LCN2: variants seen among roughly 807,000 people sequenced by gnomAD.
LCN2 encodes the protein lipocalin 2.
Under a neutral mutation model 26.4 loss-of-function variants are expected in LCN2, and 27 were observed. The ratio of observed to expected loss-of-function variants is 1.02; its 90% CI spans 0.76 to 1.41. LCN2 has a LOEUF of 1.41. Among genes scored for constraint, LCN2 ranks in the 40% most tolerant of loss-of-function variants. LCN2 has a pLI of 0.00. For synonymous variants in LCN2, 94 were observed against 98.9 expected (o/e 0.95, Z 0.30); for missense variants, 224 against 237.6 (o/e 0.94, Z 0.38).
chr9:128,151,502 G>A (rs754691587), intron 2 of LCN2, 136 bp from the exon 3 acceptor site: 2 of 703,510 alleles, frequency 2.8e-6, no homozygotes, highest in African/African-American at 1.8e-5. Context: ...TCCAGGTAGT[G>A]GGGGATGAGC....
At chr9:128,152,414 A>G in intron 5 of LCN2, 130 bp downstream of exon 5, 1 of 782,968 alleles carries the variant, frequency 1.3e-6, no homozygotes, top group Non-Finnish European at 2.1e-6. Flanking sequence ...ATGGTCCAGG[A>G]GCTCCTTGGA....
Position 128,150,288 on chromosome 9 carries a change from A to G in LCN2, c.189A>G (p.Arg63=), listed in dbSNP as rs1395414235. ...VVGLAGNAIL[R]EDKDPQKMYA... is the part of the protein sequence containing the mutation. ...GCCTGGCAGGGAATGCAATTCTCAG[A>G]GAAGACAAAGACCCGCAAAAGATGT... The change falls in exon 2 of 7, where the codon AGA becomes AGG. Residue 63 remains arginine (R), a synonymous_variant. Transcript: ENST00000277480. 2 of 1,614,174 alleles carry G rather than the reference A, an allele frequency of 1.2e-6. No homozygotes were observed.
At chr9:128,151,333 G>T (rs1039876680) in intron 2 of LCN2, 9 of 564,408 alleles carry the variant, frequency 1.6e-5, no homozygotes, top group Non-Finnish European at 2.6e-5. Context: ...TGGCGGGGGG[G>T]GTGAAAGCCA....
intron 2 of LCN2, chr9:128,150,604 G>A: frequency 1.5e-6 from 1 of 679,606 alleles, no homozygotes; most frequent in South Asian, 1.5e-5. Flanking sequence ...GGAGAGAGGA[G>A]GGGTGCCTGG....
rs1466299495 is a variant in LCN2 at position 128,152,295 on chromosome 9, G to C, written c.577+11G>C. ...TCCCTGTCCCAATCGGTAATGGCCA[G>C]TCTGGATGAGGGGACGGGGACATGG... On this transcript the variant is annotated intron_variant, in intron 5 of 6. Transcript: ENST00000277480. 1 of 1,609,886 alleles carries C rather than the reference G, an allele frequency of 6.2e-7. No individual in the cohort carries two copies. Among genetic ancestry groups the C allele is most frequent in the South Asian group, 1.1e-5 (1 of 91,018 alleles).
In LCN2 at chr9:128,152,388, G is replaced by C. The variant is rs938685760; in HGVS notation, c.577+104G>C. On this transcript the variant is annotated intron_variant, in intron 5 of 6. Transcript: ENST00000277480. ...AGGAGGGACTCCGTCCTCAGCTTCA[G>C]TCACTGGAGCAGTGGATGGTCCAGG... The C allele has an allele frequency of 2.8e-5, 28 of 1,006,532 alleles. No homozygotes were observed. In the Admixed American group the frequency reaches 5.5e-4, roughly 20 times the overall value. The allele number at this position is 1,006,532 out of a possible 1,614,324, so 62.4% of individuals were successfully genotyped here. A position where few individuals can be genotyped will look rare whatever the true frequency, so the allele number is the denominator to read the frequency against.
rs1036284757 is a variant in LCN2, at chr9:128,151,558, C to T, written c.276-80C>T. ...TGAGAGCAACAGAACCCTGCTGCTG[C>T]CCTGGCCCCACCTTGTCCAGCACAG... On this transcript the variant is annotated intron_variant, in intron 2 of 6. Coordinates refer to ENST00000277480, the MANE Select transcript of LCN2 (RefSeq NM_005564.5). 3 of 1,117,876 alleles carry T rather than the reference C, an allele frequency of 2.7e-6. No homozygotes were observed. The African/African-American group carries it at 4.6e-5, about 17-fold the overall frequency. The allele number at this position is 1,117,876 out of a possible 1,614,324, so 69.2% of individuals were successfully genotyped here. A position where few individuals can be genotyped will look rare whatever the true frequency, so the allele number is the denominator to read the frequency against.
chr9:128,152,383 C>A, intron 5 of LCN2, 99 bp downstream of exon 5: 1 of 1,038,466 alleles, frequency 9.6e-7, no homozygotes, highest in Non-Finnish European at 1.5e-6. Context: ...CCGTCCTCAG[C>A]TTCAGTCACT....
At chr9:128,149,808 G>C in intron 1 of LCN2, 145 bp downstream of exon 1, 3 of 963,840 alleles carry the variant, frequency 3.1e-6, no homozygotes, top group Non-Finnish European at 4.5e-6. Context: ...GTGCCACCAG[G>C]GTCCCCTGGT....
chr9:128,150,387 A>T lies in LCN2; in HGVS notation c.275+13A>T, dbSNP rs1272088144. 4 of 1,614,092 alleles carry T rather than the reference A, an allele frequency of 2.5e-6. No individual in the cohort carries two copies. In the African/African-American group the frequency reaches 5.3e-5, roughly 22 times the overall value. On this transcript the variant is annotated intron_variant, in intron 2 of 6. Coordinates refer to ENST00000277480, the MANE Select transcript of LCN2 (RefSeq NM_005564.5). Reference sequence around the variant, plus strand: ...CCGTCCTGTTTAGGTGAGGGCCGACATCTCCTGGGGGTGTGAGAGTCAGAC... The same window carrying T: ...CCGTCCTGTTTAGGTGAGGGCCGACTTCTCCTGGGGGTGTGAGAGTCAGAC...
chr9:128,152,393 T>C (rs1588087207), intron 5 of LCN2, 109 bp downstream of exon 5: 1 of 931,400 alleles, frequency 1.1e-6, no homozygotes, highest in East Asian at 2.6e-5. Flanking sequence ...CTTCAGTCAC[T>C]GGAGCAGTGG....
chr9:128,150,032 A>G (rs949475242), intron 1 of LCN2, among the ~76,000 whole-genome samples: 13 of 151,814 alleles, frequency 8.6e-5, no homozygotes, highest in Non-Finnish European at 1.8e-4. Flanking sequence ...CAGACTCAGA[A>G]CCGCCTCTTC....
At chr9:128,152,650 C>T (rs1056690228) in intron 5 of LCN2, among the ~76,000 whole-genome samples, 2 of 152,148 alleles carry the variant, frequency 1.3e-5, no homozygotes, top group Non-Finnish European at 2.9e-5. Flanking sequence ...TCCCAGGCCT[C>T]GTCACCCTGG....
rs1422426093 is a variant in LCN2, at chr9:128,152,000, G to A, written c.450G>A (p.Arg150=). Residue 150 remains arginine (R), a synonymous_variant, in exon 4 of 7, where the codon AGG becomes AGA. Transcript: ENST00000277480. The stretch of plus-strand genomic sequence containing the variant: ...TCTTCAAGAAAGTTTCTCAAAACAG[G>A]GAGTACTTCAAGATCACCCTCTACG... ...MVFFKKVSQN[R]EYFKITLYGR... The A allele has an allele frequency of 6.2e-7, 1 of 1,614,008 alleles. No homozygotes were observed. The highest frequency in any genetic ancestry group is 8.5e-7 in the Non-Finnish European group (1 of 1,180,010).
At position 128,153,035 on chromosome 9, in the gene LCN2, C is replaced by A. The variant is rs1382119845; in HGVS notation, c.578-65C>A. 2 of 1,611,992 alleles carry A rather than the reference C, an allele frequency of 1.2e-6. No individual in the cohort carries two copies. The highest frequency in any genetic ancestry group is 2.7e-5 in the African/African-American group (2 of 74,762). Reference sequence around the variant, plus strand: ...GAGGACCTGGCAGTCAGGGATCACACACACACACTCATACACGCACACACA... The same window carrying A: ...GAGGACCTGGCAGTCAGGGATCACAAACACACACTCATACACGCACACACA... On this transcript the variant is annotated intron_variant, in intron 5 of 6. Coordinates refer to ENST00000277480, the MANE Select transcript of LCN2 (RefSeq NM_005564.5). This position sits in a 1 kb window ranked among gnomAD's most constrained non-coding sequence, Gnocchi z 5.4.
chr9:128,153,111 G>C lies in LCN2; in HGVS notation c.589G>C (p.Asp197His), dbSNP rs749080993. Residue 197 changes from aspartate (D) to histidine (H), a missense_variant, in exon 6 of 7, where the codon GAC becomes CAC. Coordinates refer to ENST00000277480, the MANE Select transcript of LCN2 (RefSeq NM_005564.5). This position sits in a 1 kb window ranked among gnomAD's most constrained non-coding sequence, Gnocchi z 5.4. ...VFPVPIDQCI[D>H]G ...TTTCTCCCTAACAGACCAGTGTATC[G>C]ACGGCTGAGTGCACAGTGAGTGTGG... 1 of 1,614,090 alleles carries C rather than the reference G, an allele frequency of 6.2e-7. No individual in the cohort carries two copies. The highest frequency in any genetic ancestry group is 1.1e-5 in the South Asian group (1 of 91,080).
chr9:128,151,673 T>C lies in LCN2; in HGVS notation c.311T>C (p.Val104Ala). The C allele has an allele frequency of 6.2e-7, 1 of 1,614,126 alleles. No homozygotes were observed. The highest frequency in any genetic ancestry group is 1.1e-5 in the South Asian group (1 of 91,090). ...TGTGACTACTGGATCAGGACTTTTG[T>C]TCCAGGTTGCCAGCCCGGCGAGTTC... Reference protein sequence around the residue: ...KKCDYWIRTFVPGCQPGEFTL... With the variant: ...KKCDYWIRTFAPGCQPGEFTL... The change falls in exon 3 of 7, where the codon GTT (valine) becomes GCT (alanine). Residue 104 changes from valine (V) to alanine (A), a missense_variant. Transcript: ENST00000277480.
At chr9:128,152,115 C>A in intron 4 of LCN2, 68 bp from the exon 5 acceptor site, 12 of 1,606,914 alleles carry the variant, frequency 7.5e-6, no homozygotes, top group Non-Finnish European at 1.0e-5. Context: ...GGATCTGAGG[C>A]CTCATCTACT....
Position 128,149,506 on chromosome 9 carries a change from G to T in LCN2, c.-20G>T. On this transcript the variant is annotated 5_prime_UTR_variant, in exon 1 of 7. Coordinates refer to ENST00000277480, the MANE Select transcript of LCN2 (RefSeq NM_005564.5). ...AGGCCCAGCAGCCACCACAGCGCCTGCTTCCTCGGCCCTGAAATCATGCCC... is the reference window on the plus strand; with the variant it reads ...AGGCCCAGCAGCCACCACAGCGCCTTCTTCCTCGGCCCTGAAATCATGCCC... The T allele has an allele frequency of 6.3e-7, 1 of 1,584,954 alleles. No homozygotes were observed. Among genetic ancestry groups the T allele is most frequent in the African/African-American group, 1.4e-5 (1 of 74,066 alleles).
Sources: gnomAD v4.1 joint callset for allele counts (sites outside exome capture counted in the v4.1 genomes callset) on GRCh38, gnomAD v4.1.1 for gene constraint, Gnocchi (gnomAD v3.1) non-coding constraint, MANE v1.5 for transcripts, NCBI Gene and HGNC (gene_info 2026-07-23, HGNC 2026-07-21) for gene names.